Variants in RBFOX1 observed in about 807,000 individuals in gnomAD.
RBFOX1 encodes the protein RNA binding fox-1 homolog 1.
A neutral mutation model predicts 57.7 loss-of-function variants in RBFOX1; 8 were observed. The ratio of observed to expected loss-of-function variants is 0.14; its 90% CI spans 0.08 to 0.25. RBFOX1 has a LOEUF of 0.25. Among genes scored for constraint, RBFOX1 ranks in the 10% least tolerant of loss-of-function variants. The probability of loss-of-function intolerance (pLI) is 1.00; values close to 1 mark genes in which losing one functional copy is unlikely to be tolerated. For missense variants in RBFOX1, 611 were observed against 548.5 expected (o/e 1.11, Z -1.14); for synonymous variants, 326 against 222.4 (o/e 1.47, Z -4.15).
intron 2 of RBFOX1, among the ~76,000 whole-genome samples, chr16:5,513,803 T>C (rs1395684204): frequency 6.6e-6 from 1 of 152,176 alleles, no homozygotes; most frequent in East Asian, 1.9e-4. Flanking sequence ...GATTTATTTT[T>C]ATAAGGAATA....
At chr16:5,592,743 G>C (rs939767729) in intron 2 of RBFOX1, among the ~76,000 whole-genome samples, 6 of 152,176 alleles carry the variant, frequency 3.9e-5, no homozygotes, top group African/African-American at 1.2e-4. Context: ...AATGTGTGTG[G>C]TCTGTGTTCA....
At chr16:5,519,076 C>G (rs1164207421) in intron 2 of RBFOX1, among the ~76,000 whole-genome samples, 1 of 152,060 alleles carries the variant, frequency 6.6e-6, no homozygotes, top group African/African-American at 2.4e-5. Context: ...ATCTTCAGGC[C>G]AAGGAGAGAG....
At chr16:5,749,475 C>G (rs1001724941) in intron 3 of RBFOX1, among the ~76,000 whole-genome samples, 4 of 152,102 alleles carry the variant, frequency 2.6e-5, no homozygotes, top group African/African-American at 9.7e-5. Context: ...CAACTTGGTG[C>G]CATTCTCCCT....
intron 14 of RBFOX1, among the ~76,000 whole-genome samples, chr16:7,687,913 T>TC (rs2076411467): frequency 6.6e-6 from 1 of 152,026 alleles, no homozygotes; most frequent in African/African-American, 2.4e-5. Flanking sequence ...CAGGGGTTTT[T>TC]CAGGCATATC....
chr16:6,417,103 C>T (rs1026639806), intron 2 of RBFOX1, among the ~76,000 whole-genome samples: 3 of 152,112 alleles, frequency 2.0e-5, no homozygotes, highest in Admixed American at 6.5e-5. Flanking sequence ...CCTCTGCCTC[C>T]CGGGTTCAAG....
intron 3 of RBFOX1, among the ~76,000 whole-genome samples, chr16:6,843,586 C>T (rs958750223): frequency 7.0e-4 from 106 of 152,098 alleles, no homozygotes; most frequent in African/African-American, 2.4e-3. Flanking sequence ...CTACTCAGGA[C>T]GTTGAGGCAG....
chr16:6,204,343 ACT>A (rs1249697809), intron 1 of RBFOX1, among the ~76,000 whole-genome samples: 1 of 152,016 alleles, frequency 6.6e-6, no homozygotes, highest in Admixed American at 6.6e-5. Flanking sequence ...TTCTGTGACC[ACT>A]CATCCAGATG....
intron 4 of RBFOX1, among the ~76,000 whole-genome samples, chr16:7,080,079 A>G (rs1331220881): frequency 2.5e-5 from 3 of 119,022 alleles, no homozygotes; most frequent in East Asian, 3.2e-4. Flanking sequence ...ACATATATAC[A>G]TATGTATATA....
intron 4 of RBFOX1, among the ~76,000 whole-genome samples, chr16:5,975,448 C>T (rs180807711): frequency 6.6e-6 from 1 of 152,286 alleles, no homozygotes; most frequent in African/African-American, 2.4e-5. Context: ...AGGGAAAAAC[C>T]GAGTGTGCTT....
rs542898195 is a variant in RBFOX1 at position 7,599,638 on chromosome 16, C to CTTTTTTTTTTTTTTTTTTTTTTTTTT, written c.622+2219_622+2220insTTTTTTTTTTTTTTTTTTTTTTTTTT. On this transcript the variant is annotated intron_variant, in intron 9 of 15. Transcript: ENST00000550418. ...GAGAAGATGAAGAAATTAATAAAGA[C>CTTTTTTTTTTTTTTTTTTTTTTTTTT]TTTTTTTTTTTTCTTTTTTTTTTTT... Among the ~76,000 whole-genome samples, 8 of 62,804 alleles carry CTTTTTTTTTTTTTTTTTTTTTTTTTT rather than the reference C, an allele frequency of 1.3e-4. 4 individuals carry two copies. The highest frequency in any genetic ancestry group is 3.9e-4 in the African/African-American group (8 of 20,312). The allele number at this position is 62,804 out of a possible 152,430, so 41.2% of individuals were successfully genotyped here. A position where few individuals can be genotyped will look rare whatever the true frequency, so the allele number is the denominator to read the frequency against.
At chr16:5,708,926 G>T (rs2051351392) in intron 3 of RBFOX1, among the ~76,000 whole-genome samples, 1 of 152,118 alleles carries the variant, frequency 6.6e-6, no homozygotes, top group African/African-American at 2.4e-5. Context: ...AGCAAGAAGA[G>T]GAATGAAAAC....
At chr16:6,934,781 G>T (rs1597669334) in intron 3 of RBFOX1, among the ~76,000 whole-genome samples, 1 of 152,094 alleles carries the variant, frequency 6.6e-6, no homozygotes, top group Non-Finnish European at 1.5e-5. Context: ...CACGCTTTGT[G>T]TATCACTTGA....
chr16:7,129,793 G>GAA (rs550285083), intron 4 of RBFOX1, among the ~76,000 whole-genome samples: 3 of 104,628 alleles, frequency 2.9e-5, no homozygotes, highest in African/African-American at 1.1e-4. Flanking sequence ...TTATCACACT[G>GAA]AAAAAAAAAA....
At chr16:7,398,980 C>T (rs1448674413) in intron 4 of RBFOX1, among the ~76,000 whole-genome samples, 1 of 152,160 alleles carries the variant, frequency 6.6e-6, no homozygotes, top group Non-Finnish European at 1.5e-5. Flanking sequence ...AGTTTGATGT[C>T]AAGGTGTCAA....
At chr16:5,683,003 T>C (rs546082689) in intron 3 of RBFOX1, among the ~76,000 whole-genome samples, 4 of 152,184 alleles carry the variant, frequency 2.6e-5, no homozygotes, top group African/African-American at 9.6e-5. Flanking sequence ...TGAACCTTTG[T>C]TCATTCACTT....
chr16:7,249,061 G>A (rs1407376782), intron 4 of RBFOX1, among the ~76,000 whole-genome samples: 1 of 152,090 alleles, frequency 6.6e-6, no homozygotes, highest in Non-Finnish European at 1.5e-5. Flanking sequence ...GGGAAAAGTA[G>A]TGTTCCAGGA....
chr16:6,555,367 C>T (rs556538312), intron 2 of RBFOX1, among the ~76,000 whole-genome samples: 7 of 152,252 alleles, frequency 4.6e-5, no homozygotes, highest in Non-Finnish European at 1.0e-4. Context: ...ATGGGTTTGA[C>T]CACACAGTAG....
chr16:7,434,741 T>C (rs73551082), intron 4 of RBFOX1, among the ~76,000 whole-genome samples: 1 of 152,092 alleles, frequency 6.6e-6, no homozygotes, highest in African/African-American at 2.4e-5. Context: ...TTAACATTTT[T>C]TTTTTTTTTC....
At chr16:7,279,468 C>G (rs961883955) in intron 4 of RBFOX1, among the ~76,000 whole-genome samples, 2 of 152,238 alleles carry the variant, frequency 1.3e-5, no homozygotes, top group Non-Finnish European at 2.9e-5. Flanking sequence ...TCACCACACT[C>G]AGGCCTGAGC....
Sources: gnomAD v4.1 joint callset for allele counts (sites outside exome capture counted in the v4.1 genomes callset) on GRCh38, gnomAD v4.1.1 for gene constraint, MANE v1.5 for transcripts, NCBI Gene and HGNC (gene_info 2026-07-23, HGNC 2026-07-21) for gene names.